CSMD1: variants seen among roughly 807,000 people sequenced by gnomAD.
CSMD1 encodes CUB and sushi domain-containing protein 1.
In CSMD1, 213 loss-of-function variants were observed where a neutral mutation model predicts 417.5. The ratio of observed to expected loss-of-function variants is 0.51; its 90% CI spans 0.46 to 0.57. The LOEUF is 0.57. Ranked by LOEUF, CSMD1 falls within the 20% of genes least tolerant of loss-of-function variation. The probability of loss-of-function intolerance (pLI) is 0.00; values close to 1 mark genes in which losing one functional copy is unlikely to be tolerated. For missense variants in CSMD1, 6,923 were observed against 4,529.7 expected (o/e 1.53, Z -15.17); for synonymous variants, 2,862 against 1,736.8 (o/e 1.65, Z -16.11).
intron 5 of CSMD1, among the ~76,000 whole-genome samples, chr8:3,933,347 G>A (rs575123867): frequency 6.6e-6 from 1 of 152,114 alleles, no homozygotes; most frequent in Non-Finnish European, 1.5e-5. Context: ...GAACCATTAA[G>A]CTGTTTTTGG....
chr8:3,724,247 T>C (rs931681637), intron 6 of CSMD1, among the ~76,000 whole-genome samples: 1 of 152,056 alleles, frequency 6.6e-6, no homozygotes, highest in African/African-American at 2.4e-5. Flanking sequence ...GTGCACATTG[T>C]GCAGGTTAGT....
At chr8:4,642,478 A>C (rs1398392427) in intron 1 of CSMD1, among the ~76,000 whole-genome samples, 1 of 152,200 alleles carries the variant, frequency 6.6e-6, no homozygotes, top group Non-Finnish European at 1.5e-5. Flanking sequence ...AGAAAGTAGC[A>C]GCTGAGATGA....
At chr8:4,586,813 C>T (rs550568380) in intron 2 of CSMD1, among the ~76,000 whole-genome samples, 2 of 152,200 alleles carry the variant, frequency 1.3e-5, no homozygotes, top group Non-Finnish European at 2.9e-5. Context: ...AGCTGTTCTG[C>T]ACACAGGTCT....
At chr8:3,011,768 T>C (rs555574978) in intron 52 of CSMD1, among the ~76,000 whole-genome samples, 7 of 152,310 alleles carry the variant, frequency 4.6e-5, no homozygotes, top group South Asian at 4.1e-4. Context: ...CTAAATGATG[T>C]AAATGTTTTC....
intron 6 of CSMD1, among the ~76,000 whole-genome samples, chr8:3,715,358 T>C (rs1801770292): frequency 6.6e-6 from 1 of 152,108 alleles, no homozygotes. Flanking sequence ...ATGGAACCAT[T>C]TCACAGTCTA....
chr8:4,238,365 G>A (rs1287218932), intron 3 of CSMD1, among the ~76,000 whole-genome samples: 4 of 152,132 alleles, frequency 2.6e-5, no homozygotes, highest in Admixed American at 1.3e-4. Context: ...AAGGACTGGG[G>A]CAGCCCAAAG....
chr8:4,584,804 A>G (rs1799618616), intron 2 of CSMD1, among the ~76,000 whole-genome samples: 1 of 152,114 alleles, frequency 6.6e-6, no homozygotes, highest in African/African-American at 2.4e-5. Flanking sequence ...GCTTCTAAAA[A>G]TTGCTACCTG....
intron 2 of CSMD1, among the ~76,000 whole-genome samples, chr8:4,531,769 T>C (rs1796828509): frequency 6.6e-6 from 1 of 152,240 alleles, no homozygotes; most frequent in South Asian, 2.1e-4. Flanking sequence ...TACAATCTGG[T>C]GCTTTTTAGT....
intron 21 of CSMD1, among the ~76,000 whole-genome samples, chr8:3,349,365 G>T (rs566020898): frequency 2.0e-4 from 30 of 152,230 alleles, no homozygotes; most frequent in Admixed American, 1.7e-3. Context: ...GCAGGAAGTT[G>T]CTAGAGATCC....
chr8:3,930,863 T>G lies in CSMD1; in HGVS notation c.818+67040A>C, dbSNP rs576727131. Reference sequence around the variant, plus strand: ...GTAATAGATATCTTAATAGTTAACTTACATTTTAGTCTAGTTTTAAAACCT... The same window carrying G: ...GTAATAGATATCTTAATAGTTAACTGACATTTTAGTCTAGTTTTAAAACCT... On this transcript the variant is annotated intron_variant, in intron 5 of 69. Coordinates refer to ENST00000635120, the MANE Select transcript of CSMD1 (RefSeq NM_033225.6). 9.3e-5 allele frequency among the ~76,000 whole-genome samples: 14 copies of G among 150,852 alleles called. 2 individuals carry two copies. In the South Asian group the frequency reaches 3.0e-3, roughly 32 times the overall value.
At chr8:4,320,537 G>C (rs1585225841) in intron 3 of CSMD1, among the ~76,000 whole-genome samples, 1 of 152,026 alleles carries the variant, frequency 6.6e-6, no homozygotes, top group Non-Finnish European at 1.5e-5. Context: ...GGCCCCAGTG[G>C]GTGATGTTCC....
chr8:4,495,358 G>A (rs576080812), intron 2 of CSMD1, among the ~76,000 whole-genome samples: 72 of 152,132 alleles, frequency 4.7e-4, no homozygotes, highest in Non-Finnish European at 9.7e-4. Context: ...GGCGGATCAC[G>A]AAGTCAAGGG....
intron 5 of CSMD1, among the ~76,000 whole-genome samples, chr8:3,876,519 T>G: frequency 6.6e-6 from 1 of 152,236 alleles, no homozygotes; most frequent in East Asian, 1.9e-4. Flanking sequence ...ATGTAATTTA[T>G]TAGGAGAAAT....
At position 3,437,405 on chromosome 8, in the gene CSMD1, G is replaced by A. The variant is rs552667414; in HGVS notation, c.1562-27800C>T. 4.7e-4 allele frequency among the ~76,000 whole-genome samples: 71 copies of A among 152,232 alleles called. 2 individuals are homozygous for A. Among genetic ancestry groups the A allele is most frequent in the African/African-American group, 1.6e-3 (67 of 41,548 alleles). The stretch of plus-strand genomic sequence containing the variant: ...CCTCTTTGGCAATTCATACAGTTCT[G>A]ACTTATCCTAAAGGCTGAATTAAAT... On this transcript the variant is annotated intron_variant, in intron 12 of 69. Transcript: ENST00000635120.
At chr8:4,811,837 C>T (rs9314542) in intron 1 of CSMD1, among the ~76,000 whole-genome samples, 38,221 of 151,362 alleles carry the variant, frequency 0.25, 5,079 homozygotes, top group African/African-American at 0.34. Context: ...GATTTTTTTT[C>T]TTCTATGAGA....
At chr8:3,817,719 C>G (rs1801467831) in intron 5 of CSMD1, among the ~76,000 whole-genome samples, 1 of 152,098 alleles carries the variant, frequency 6.6e-6, no homozygotes, top group Admixed American at 6.6e-5. Flanking sequence ...TGCTGAGTTT[C>G]AGAATAAAGA....
intron 8 of CSMD1, among the ~76,000 whole-genome samples, chr8:3,612,112 ATATAT>A (rs1801923333): frequency 6.6e-6 from 1 of 152,154 alleles, no homozygotes; most frequent in Non-Finnish European, 1.5e-5. Flanking sequence ...ATAACAATCC[ATATAT>A]TATAGACTAA....
intron 2 of CSMD1, among the ~76,000 whole-genome samples, chr8:4,547,047 A>C (rs1041562555): frequency 6.6e-6 from 1 of 152,166 alleles, no homozygotes; most frequent in African/African-American, 2.4e-5. Flanking sequence ...CCAAATTCAT[A>C]CATCCAACTA....
At chr8:4,808,514 T>C (rs1798714717) in intron 1 of CSMD1, among the ~76,000 whole-genome samples, 1 of 152,198 alleles carries the variant, frequency 6.6e-6, no homozygotes, top group African/African-American at 2.4e-5. Flanking sequence ...CACATCCTCT[T>C]GGATCCCTTG....
Sources: gnomAD v4.1 joint callset for allele counts (sites outside exome capture counted in the v4.1 genomes callset) on GRCh38, gnomAD v4.1.1 for gene constraint, MANE v1.5 for transcripts, NCBI Gene and HGNC (gene_info 2026-07-23, HGNC 2026-07-21) for gene names.